The following MBD5 variants were observed in gnomAD, a reference collection of about 807,000 sequenced individuals.
The protein encoded by MBD5 is methyl-CpG-binding domain protein 5.
Under a neutral mutation model 117.3 loss-of-function variants are expected in MBD5, and 13 were observed. The ratio of observed to expected loss-of-function variants is 0.11; its 90% CI spans 0.07 to 0.18. The LOEUF is 0.18. Among genes scored for constraint, MBD5 ranks in the 10% least tolerant of loss-of-function variants. The pLI is 1.00. For missense variants in MBD5, 1,879 were observed against 2,093.8 expected (o/e 0.90, Z 2.00); for synonymous variants, 727 against 766.4 (o/e 0.95, Z 0.85).
intron 8 of MBD5, among the ~76,000 whole-genome samples, chr2:148,474,445 T>C (rs1220649662): frequency 1.3e-5 from 2 of 152,148 alleles, no homozygotes; most frequent in East Asian, 3.8e-4. Context: ...CCCTACCTTC[T>C]TCCAATATGA....
intron 3 of MBD5, among the ~76,000 whole-genome samples, chr2:148,294,502 T>TTTTTTTTTTTTTTTTTTTG (rs1559009499): frequency 7.4e-5 from 1 of 13,544 alleles, no homozygotes; most frequent in African/African-American, 2.0e-4. Flanking sequence ...GGGATTACAG[T>TTTTTTTTTTTTTTTTTTTG]TTTTTTTTTT....
chr2:148,480,128 A>T (rs941984976), intron 8 of MBD5, among the ~76,000 whole-genome samples: 1 of 152,076 alleles, frequency 6.6e-6, no homozygotes, highest in Non-Finnish European at 1.5e-5. Context: ...GTTGAAAATT[A>T]AAGAAAAATT....
At chr2:148,144,291 G>T (rs1697392118) in intron 1 of MBD5, among the ~76,000 whole-genome samples, 5 of 151,588 alleles carry the variant, frequency 3.3e-5, no homozygotes, top group South Asian at 2.1e-4. Context: ...TGTTGATGGG[G>T]TTGTTTGTTT....
At chr2:148,396,275 A>G (rs1336289224) in intron 4 of MBD5, among the ~76,000 whole-genome samples, 7 of 152,312 alleles carry the variant, frequency 4.6e-5, no homozygotes, top group Admixed American at 4.6e-4. Flanking sequence ...TCCTTCAGCT[A>G]GAGCTTAGTG....
At chr2:148,253,171 A>G (rs1700505573) in intron 3 of MBD5, among the ~76,000 whole-genome samples, 1 of 152,212 alleles carries the variant, frequency 6.6e-6, no homozygotes, top group South Asian at 2.1e-4. Flanking sequence ...AGGGAACTCT[A>G]CTAGGAGATT....
At chr2:148,043,881 A>G (rs1694444557) in intron 1 of MBD5, among the ~76,000 whole-genome samples, 1 of 152,220 alleles carries the variant, frequency 6.6e-6, no homozygotes, top group Non-Finnish European at 1.5e-5. Context: ...CTAAAAATGT[A>G]TCTGCAGTTA....
intron 1 of MBD5, among the ~76,000 whole-genome samples, chr2:148,154,160 C>G (rs1697783846): frequency 1.4e-5 from 2 of 144,718 alleles, no homozygotes; most frequent in Admixed American, 1.4e-4. Flanking sequence ...TTCTAACAGA[C>G]AGGACCCTCA....
chr2:148,454,309 A>G (rs899862113), intron 4 of MBD5, among the ~76,000 whole-genome samples: 6 of 152,154 alleles, frequency 3.9e-5, no homozygotes, highest in Non-Finnish European at 8.8e-5. Context: ...ATCCATTAAC[A>G]TGATTGATAT....
At chr2:148,475,195 A>G (rs1680918533) in intron 8 of MBD5, among the ~76,000 whole-genome samples, 1 of 152,132 alleles carries the variant, frequency 6.6e-6, no homozygotes, top group Non-Finnish European at 1.5e-5. Flanking sequence ...TTATCCCCCA[A>G]TCAGATGCAC....
At chr2:148,259,633 A>G (rs760099034) in intron 3 of MBD5, among the ~76,000 whole-genome samples, 1 of 152,208 alleles carries the variant, frequency 6.6e-6, no homozygotes, top group Non-Finnish European at 1.5e-5. Flanking sequence ...CAGTTTTGAC[A>G]TGGCTTTACT....
intron 8 of MBD5, chr2:148,471,371 A>C (rs953038842): frequency 1.3e-5 from 2 of 152,180 alleles, no homozygotes; most frequent in East Asian, 3.8e-4. Flanking sequence ...AAATTTGACT[A>C]TGAAAACATT....
At chr2:148,492,510 T>C (rs1048042109) in intron 11 of MBD5, among the ~76,000 whole-genome samples, 2 of 152,092 alleles carry the variant, frequency 1.3e-5, no homozygotes, top group Admixed American at 6.5e-5. Flanking sequence ...ATATTAATGA[T>C]AATACATGAA....
At chr2:148,444,204 T>C (rs2105422239) in intron 4 of MBD5, among the ~76,000 whole-genome samples, 1 of 151,586 alleles carries the variant, frequency 6.6e-6, no homozygotes, top group South Asian at 2.1e-4. Flanking sequence ...GAGACTTCTT[T>C]TGTTAAAGGA....
At chr2:148,262,214 A>G (rs1445554853) in intron 3 of MBD5, among the ~76,000 whole-genome samples, 1 of 152,138 alleles carries the variant, frequency 6.6e-6, no homozygotes, top group Non-Finnish European at 1.5e-5. Context: ...TTCCATTTGT[A>G]AAAAACACAA....
At chr2:148,285,643 A>G (rs532920446) in intron 3 of MBD5, among the ~76,000 whole-genome samples, 5 of 152,364 alleles carry the variant, frequency 3.3e-5, no homozygotes, top group African/African-American at 9.6e-5. Context: ...TCCAGATTTT[A>G]CTGAATAATG....
At chr2:148,124,947 A>G (rs1367442883) in intron 1 of MBD5, among the ~76,000 whole-genome samples, 1 of 150,920 alleles carries the variant, frequency 6.6e-6, no homozygotes, top group African/African-American at 2.4e-5. Flanking sequence ...TAAGCTATAT[A>G]TGATATATAT....
rs544305757 is a variant in MBD5, at chr2:148,157,482, A to C, written c.-924-21218A>C. The stretch of plus-strand genomic sequence containing the variant: ...AAAAGCATGAAACTACCTTCTAGGC[A>C]CTTCAGAGACCTTGAGCAGTGTCTC... On this transcript the variant is annotated intron_variant, in intron 1 of 13. Transcript: ENST00000642680. Among the ~76,000 whole-genome samples, 9 of 152,258 alleles carry C rather than the reference A, an allele frequency of 5.9e-5. No homozygotes were observed. In the South Asian group the frequency reaches 1.7e-3, roughly 28 times the overall value.
chr2:148,447,139 GA>G (rs879583752), intron 4 of MBD5, among the ~76,000 whole-genome samples: 14 of 147,384 alleles, frequency 9.5e-5, no homozygotes, highest in Non-Finnish European at 1.9e-4. Flanking sequence ...GAAAGAGAGA[GA>G]GAGAAAGAAA....
intron 4 of MBD5, among the ~76,000 whole-genome samples, chr2:148,447,211 G>GAAAGAAAGAA (rs1345226022): frequency 1.7e-4 from 3 of 18,036 alleles, no homozygotes; most frequent in African/African-American, 2.2e-4. Flanking sequence ...AAGAAAGAAA[G>GAAAGAAAGAA]AAAGAAAGAA....
Sources: gnomAD v4.1 joint callset for allele counts (sites outside exome capture counted in the v4.1 genomes callset) on GRCh38, gnomAD v4.1.1 for gene constraint, MANE v1.5 for transcripts, NCBI Gene and HGNC (gene_info 2026-07-23, HGNC 2026-07-21) for gene names.